Variants in KCNIP4 observed in about 807,000 individuals in gnomAD.
The protein encoded by KCNIP4 is potassium voltage-gated channel interacting protein 4, also known as Kv channel-interacting protein 4.
In KCNIP4, 12 loss-of-function variants were observed where a neutral mutation model predicts 34.0. The observed-to-expected ratio is 0.35, with a 90% CI of 0.23 to 0.57. KCNIP4 has a LOEUF of 0.57. Among genes scored for constraint, KCNIP4 ranks in the 20% least tolerant of loss-of-function variants. The probability of loss-of-function intolerance (pLI) is 0.83; values close to 1 mark genes in which losing one functional copy is unlikely to be tolerated. For synonymous variants in KCNIP4, 124 were observed against 102.2 expected, an observed-to-expected ratio of 1.21 and a Z score of -1.29; for missense variants, 238 against 311.7, an observed-to-expected ratio of 0.76 and a Z score of 1.78.
intron 1 of KCNIP4, among the ~76,000 whole-genome samples, chr4:21,608,016 G>A (rs565757901): frequency 1.6e-4 from 24 of 152,186 alleles, no homozygotes; most frequent in South Asian, 6.2e-4. Flanking sequence ...ATTCAGGCCC[G>A]GATGCTAAGG....
At chr4:21,093,577 G>A (rs1339769952) in intron 1 of KCNIP4, among the ~76,000 whole-genome samples, 2 of 152,066 alleles carry the variant, frequency 1.3e-5, no homozygotes, top group African/African-American at 2.4e-5. Context: ...TGAGAACTCA[G>A]TTATTTGGCC....
chr4:21,307,886 C>A (rs1329399567), intron 1 of KCNIP4, among the ~76,000 whole-genome samples: 2 of 152,154 alleles, frequency 1.3e-5, no homozygotes, highest in Non-Finnish European at 2.9e-5. Context: ...TTCCTGCCCA[C>A]GTGAACAATG....
At chr4:20,732,887 T>A in intron 6 of KCNIP4, 102 bp from the exon 7 acceptor site, 1 of 692,694 alleles carries the variant, frequency 1.4e-6, no homozygotes, top group East Asian at 2.8e-5. Flanking sequence ...AATTTTTGAC[T>A]TTTTGTTTGT....
Position 20,882,133 on chromosome 4 carries a change from G to T in KCNIP4, c.163+475C>A, listed in dbSNP as rs547206372. On this transcript the variant is annotated intron_variant, in intron 2 of 8. Coordinates refer to ENST00000382152, the MANE Select transcript of KCNIP4 (RefSeq NM_025221.6). ...GAGAATCTTGACTGATACAGGGAAA[G>T]AATCAACAAAGAAGAAAAGTCACGT... 2.6e-5 allele frequency among the ~76,000 whole-genome samples: 4 copies of T among 152,288 alleles called. 1 individual carries two copies. The South Asian group carries it at 8.3e-4, about 32-fold the overall frequency.
intron 1 of KCNIP4, among the ~76,000 whole-genome samples, chr4:21,066,377 A>T (rs1744382511): frequency 6.6e-6 from 1 of 152,178 alleles, no homozygotes; most frequent in Non-Finnish European, 1.5e-5. Context: ...CTATACACAC[A>T]CACACAAAAG....
intron 1 of KCNIP4, among the ~76,000 whole-genome samples, chr4:21,413,736 G>A (rs1267628175): frequency 2.0e-5 from 3 of 152,194 alleles, no homozygotes; most frequent in Non-Finnish European, 4.4e-5. Flanking sequence ...TGAATCTTCA[G>A]CTCCTTTACC....
chr4:21,705,994 G>C (rs2109069108), intron 1 of KCNIP4, among the ~76,000 whole-genome samples: 1 of 152,230 alleles, frequency 6.6e-6, no homozygotes, highest in East Asian at 1.9e-4. Context: ...TGTATTGTTG[G>C]GGAGTATGCA....
chr4:21,624,358 C>T (rs1333973925), intron 1 of KCNIP4, among the ~76,000 whole-genome samples: 3 of 152,052 alleles, frequency 2.0e-5, no homozygotes, highest in Non-Finnish European at 2.9e-5. Context: ...AAAGAAACTA[C>T]AGTATTACCA....
chr4:21,866,395 T>G (rs1245932749), intron 1 of KCNIP4, among the ~76,000 whole-genome samples: 1 of 152,218 alleles, frequency 6.6e-6, no homozygotes, highest in Non-Finnish European at 1.5e-5. Context: ...TAAATAAACC[T>G]GTTGTCTTTT....
chr4:20,850,835 A>G (rs748137159), intron 2 of KCNIP4, 168 bp from the exon 3 acceptor site: 9 of 619,348 alleles, frequency 1.5e-5, no homozygotes, highest in Non-Finnish European at 2.0e-5. Flanking sequence ...GTTTAAGCGT[A>G]TTAAGCTAAA....
chr4:21,921,417 A>G (rs376794980), intron 1 of KCNIP4, among the ~76,000 whole-genome samples: 1 of 152,186 alleles, frequency 6.6e-6, no homozygotes, highest in Non-Finnish European at 1.5e-5. Flanking sequence ...TACAAGGCTC[A>G]AACATTAGTA....
At chr4:21,337,869 G>C (rs56321630) in intron 1 of KCNIP4, among the ~76,000 whole-genome samples, 1 of 152,042 alleles carries the variant, frequency 6.6e-6, no homozygotes, top group East Asian at 1.9e-4. Flanking sequence ...TTAGGATTGC[G>C]TTTGGCTACA....
intron 1 of KCNIP4, among the ~76,000 whole-genome samples, chr4:21,044,275 T>C (rs540428499): frequency 8.9e-4 from 135 of 152,086 alleles, no homozygotes; most frequent in Non-Finnish European, 1.8e-3. Flanking sequence ...AATTACCTCC[T>C]GAACAGGCTG....
intron 1 of KCNIP4, among the ~76,000 whole-genome samples, chr4:21,272,433 A>C (rs566717540): frequency 1.3e-5 from 2 of 152,320 alleles, no homozygotes; most frequent in African/African-American, 4.8e-5. Flanking sequence ...GTCAGTCATC[A>C]GATCTTCATG....
At chr4:21,818,291 G>A (rs551484397) in intron 1 of KCNIP4, among the ~76,000 whole-genome samples, 1 of 152,322 alleles carries the variant, frequency 6.6e-6, no homozygotes, top group East Asian at 1.9e-4. Flanking sequence ...CACTCAAAAA[G>A]CATCAACCCC....
chr4:21,156,281 C>A (rs1414539639), intron 1 of KCNIP4, among the ~76,000 whole-genome samples: 2 of 152,148 alleles, frequency 1.3e-5, no homozygotes, highest in Non-Finnish European at 1.5e-5. Context: ...TGTATCCACA[C>A]CATTTTGGTG....
chr4:21,804,242 G>A (rs990750895), intron 1 of KCNIP4, among the ~76,000 whole-genome samples: 13 of 152,208 alleles, frequency 8.5e-5, no homozygotes, highest in Non-Finnish European at 1.8e-4. Context: ...AGAAACAGCA[G>A]TCATGTTAGC....
intron 1 of KCNIP4, among the ~76,000 whole-genome samples, chr4:21,230,577 T>C (rs979138087): frequency 3.3e-5 from 5 of 152,102 alleles, no homozygotes; most frequent in African/African-American, 1.2e-4. Flanking sequence ...CATGTGTTCC[T>C]ATTGTTCAGC....
At chr4:21,598,825 T>G (rs1419810810) in intron 1 of KCNIP4, among the ~76,000 whole-genome samples, 1 of 152,100 alleles carries the variant, frequency 6.6e-6, no homozygotes, top group Admixed American at 6.6e-5. Context: ...AATTTTCAGT[T>G]TGTCTCCATG....
Sources: allele counts gnomAD v4.1 joint callset (sites outside exome capture counted in the v4.1 genomes callset), GRCh38; gene constraint gnomAD v4.1.1; transcripts MANE v1.5; gene names NCBI Gene and HGNC (gene_info 2026-07-23, HGNC 2026-07-21).